LRRC37A2: variants seen among roughly 807,000 people sequenced by gnomAD.
LRRC37A2 encodes the protein leucine-rich repeat-containing protein 37A2.
A neutral mutation model predicts 68.8 loss-of-function variants in LRRC37A2; 9 were observed. The observed-to-expected ratio is 0.13, with a 90% CI of 0.08 to 0.23. The LOEUF (loss-of-function observed/expected upper bound fraction) is 0.23, where lower values mean the gene tolerates loss of function less well. Among genes scored for constraint, LRRC37A2 ranks in the 10% least tolerant of loss-of-function variants. The probability of loss-of-function intolerance (pLI) is 1.00; values close to 1 mark genes in which losing one functional copy is unlikely to be tolerated. For missense variants in LRRC37A2, 168 were observed against 950.4 expected (o/e 0.18, Z 10.82); for synonymous variants, 63 against 367.6 (o/e 0.17, Z 9.48).
At chr17:46,929,152 A>T in the LRRC37A2 span, among the ~76,000 whole-genome samples, 2 of 152,134 alleles carry the variant, frequency 1.3e-5, no homozygotes, top group African/African-American at 4.8e-5. Context: ...AGAAAGTAGG[A>T]TTGGCCGGGT....
the LRRC37A2 span, among the ~76,000 whole-genome samples, chr17:46,723,419 A>C: frequency 6.6e-6 from 1 of 152,228 alleles, no homozygotes; most frequent in Non-Finnish European, 1.5e-5. Context: ...AAAAAGTAGC[A>C]AAGAACCGCT....
chr17:46,889,603 C>A, the LRRC37A2 span, among the ~76,000 whole-genome samples: 2 of 152,212 alleles, frequency 1.3e-5, no homozygotes, highest in African/African-American at 4.8e-5. Flanking sequence ...GTCATCCATA[C>A]CTGTGCTGTG....
the LRRC37A2 span, among the ~76,000 whole-genome samples, chr17:47,024,424 AG>A: frequency 6.6e-6 from 1 of 152,034 alleles, no homozygotes; most frequent in Non-Finnish European, 1.5e-5. Flanking sequence ...TCTAGACAGG[AG>A]GCATGAAATA....
chr17:46,870,324 G>A, the LRRC37A2 span, among the ~76,000 whole-genome samples: 5 of 152,352 alleles, frequency 3.3e-5, no homozygotes, highest in South Asian at 4.1e-4. Context: ...CAGTCAAGGC[G>A]TGGCCTCCTC....
the LRRC37A2 span, among the ~76,000 whole-genome samples, chr17:46,841,256 G>C: frequency 1.3e-5 from 2 of 152,182 alleles, no homozygotes; most frequent in Non-Finnish European, 2.9e-5. Context: ...TCGGAGAAAC[G>C]GAGGCTCTGA....
chr17:46,778,776 GC>G, the LRRC37A2 span, among the ~76,000 whole-genome samples: 1 of 152,020 alleles, frequency 6.6e-6, no homozygotes, highest in Non-Finnish European at 1.5e-5. Context: ...TGAGCCCTCG[GC>G]TCGAAGCACC....
At chr17:46,953,186 A>G in the LRRC37A2 span, among the ~76,000 whole-genome samples, 7 of 151,418 alleles carry the variant, frequency 4.6e-5, no homozygotes, top group Non-Finnish European at 1.0e-4. Context: ...TCCTAATGCT[A>G]TCCCTCCCCA....
rs547525816 is a variant in LRRC37A2, at chr17:46,549,040, G to A, written c.3901G>A (p.Ala1301Thr). ...GAAGACGTCTAAACCAATCGTACAT[G>A]CCAGAAAAAAATACCGCTTTCACAA... The change falls in exon 10 of 15, where the codon GCC (alanine) becomes ACC (threonine). Residue 1301 changes from alanine (A) to threonine (T), a missense_variant. By Grantham distance (58) the Ala-to-Thr change is moderately conservative. Transcript: ENST00000576629. 43 of 1,612,230 alleles carry A rather than the reference G, an allele frequency of 2.7e-5. 1 individual carries two copies. In the East Asian group the frequency reaches 9.6e-4, roughly 36 times the overall value.
chr17:46,924,200 TA>T, the LRRC37A2 span: 1 of 221,954 alleles, frequency 4.5e-6, no homozygotes, highest in African/African-American at 2.3e-5. Flanking sequence ...ATACTTAATA[TA>T]AGTGGAGTCA....
the LRRC37A2 span, chr17:46,751,749 T>C: frequency 1.8e-6 from 1 of 563,102 alleles, no homozygotes; most frequent in Non-Finnish European, 3.1e-6. Context: ...CCAAACTTAA[T>C]TTGGTATTAG....
the LRRC37A2 span, among the ~76,000 whole-genome samples, chr17:46,917,819 A>G: frequency 6.6e-6 from 1 of 152,242 alleles, no homozygotes; most frequent in Non-Finnish European, 1.5e-5. Context: ...CTGAAGAGTC[A>G]TGGTATTTGA....
At chr17:47,029,931 C>T in the LRRC37A2 span, among the ~76,000 whole-genome samples, 1 of 151,664 alleles carries the variant, frequency 6.6e-6, no homozygotes, top group East Asian at 1.9e-4. Flanking sequence ...GGCATGGTGG[C>T]AGGCAACTGT....
chr17:46,817,930 A>G, the LRRC37A2 span, among the ~76,000 whole-genome samples: 1 of 152,150 alleles, frequency 6.6e-6, no homozygotes, highest in East Asian at 1.9e-4. Flanking sequence ...TTCACTTCAG[A>G]GGCTCAAGAT....
chr17:46,888,006 G>A, the LRRC37A2 span, among the ~76,000 whole-genome samples: 1 of 152,330 alleles, frequency 6.6e-6, no homozygotes, highest in South Asian at 2.1e-4. Flanking sequence ...TAGAGATAGG[G>A]AGAGCAGGGA....
chr17:46,528,731 A>G, intron 6 of LRRC37A2: 2 of 671,856 alleles, frequency 3.0e-6, no homozygotes, highest in African/African-American at 2.0e-5. Context: ...TCTCAAAAAA[A>G]AAAAAAAAAA....
At chr17:46,796,061 A>C in the LRRC37A2 span, among the ~76,000 whole-genome samples, 1 of 152,118 alleles carries the variant, frequency 6.6e-6, no homozygotes, top group Non-Finnish European at 1.5e-5. Flanking sequence ...TCCCATCCGC[A>C]GGTGGTAGGT....
chr17:46,438,366 A>G, the LRRC37A2 span, among the ~76,000 whole-genome samples: 3 of 79,298 alleles, frequency 3.8e-5, no homozygotes, highest in Non-Finnish European at 1.1e-4. Flanking sequence ...GAATGGGTTG[A>G]ACTTATAATA....
chr17:46,739,732 A>G, the LRRC37A2 span, among the ~76,000 whole-genome samples: 2 of 147,146 alleles, frequency 1.4e-5, no homozygotes, highest in Non-Finnish European at 3.0e-5. Flanking sequence ...TTTTTTTCTG[A>G]TTTTTTTTTT....
the LRRC37A2 span, among the ~76,000 whole-genome samples, chr17:46,739,361 ACT>A: frequency 1.0e-5 from 1 of 98,952 alleles, no homozygotes; most frequent in Non-Finnish European, 1.8e-5. Context: ...ACAGAGCGAG[ACT>A]CTGTCTCAAA....
Sources: allele counts gnomAD v4.1 joint callset (sites outside exome capture counted in the v4.1 genomes callset), GRCh38; gene constraint gnomAD v4.1.1; transcripts MANE v1.5; gene names NCBI Gene and HGNC (gene_info 2026-07-23, HGNC 2026-07-21).